The following TCERG1L variants were observed in gnomAD, a reference collection of about 807,000 sequenced individuals.
The protein encoded by TCERG1L is transcription elongation regulator 1 like, also known as transcription elongation regulator 1-like protein.
TCERG1L carries 37 observed loss-of-function variants against 56.3 expected under a neutral mutation model. The ratio of observed to expected loss-of-function variants is 0.66; its 90% confidence interval spans 0.51 to 0.87. The LOEUF is 0.87. TCERG1L is among the 40% of genes least tolerant of loss of function. The pLI is 0.00. For synonymous variants in TCERG1L, 324 were observed against 326.3 expected, an observed-to-expected ratio of 0.99 and a Z score of 0.08; for missense variants, 799 against 774.2, an observed-to-expected ratio of 1.03 and a Z score of -0.38.
intron 8 of TCERG1L, among the ~76,000 whole-genome samples, chr10:131,133,088 C>T (rs566159509): frequency 6.6e-6 from 1 of 152,294 alleles, no homozygotes; most frequent in East Asian, 1.9e-4. Flanking sequence ...AGGTCTAGTT[C>T]TACGTGTTTT....
chr10:131,143,103 C>T (rs1420659522), intron 7 of TCERG1L, among the ~76,000 whole-genome samples: 1 of 152,182 alleles, frequency 6.6e-6, no homozygotes, highest in Non-Finnish European at 1.5e-5. Context: ...CGACGTCTGC[C>T]CTCCAGAACT....
At chr10:131,243,637 A>G (rs1845997283) in intron 4 of TCERG1L, among the ~76,000 whole-genome samples, 1 of 152,110 alleles carries the variant, frequency 6.6e-6, no homozygotes, top group Non-Finnish European at 1.5e-5. Flanking sequence ...CCTAAAACCA[A>G]CCCTGCAACC....
At chr10:131,206,831 G>A (rs750633) in intron 4 of TCERG1L, among the ~76,000 whole-genome samples, 11,697 of 152,150 alleles carry the variant, frequency 0.077, 775 homozygotes, top group East Asian at 0.23. Flanking sequence ...GAGAGGGTGG[G>A]GTGCGTCCAG....
intron 6 of TCERG1L, chr10:131,162,846 C>T (rs945193475): frequency 3.9e-5 from 12 of 309,444 alleles, no homozygotes; most frequent in African/African-American, 2.4e-4. Flanking sequence ...CTTTCTTCAG[C>T]CACTGCCTTT....
rs541044997 is a variant in TCERG1L, at chr10:131,211,433, G to A, written c.857-44548C>T. Among the ~76,000 whole-genome samples, 342 of 152,268 alleles carry A rather than the reference G, an allele frequency of 2.2e-3. 2 individuals are homozygous for A. The highest frequency in any genetic ancestry group is 7.9e-3 in the African/African-American group (328 of 41,568). On this transcript the variant is annotated intron_variant, in intron 4 of 11. Transcript: ENST00000368642. ...GGCTTCCTACTACAACCCCTTTCCC[G>A]GTGTTCTGGGCCCATGCTGTGGCCG...
At chr10:131,120,799 G>T (rs770542178) in intron 8 of TCERG1L, among the ~76,000 whole-genome samples, 1 of 152,300 alleles carries the variant, frequency 6.6e-6, no homozygotes, top group East Asian at 1.9e-4. Context: ...TCAGTGAGAT[G>T]GTCCACATCG....
At chr10:131,241,459 G>A (rs1461096236) in intron 4 of TCERG1L, among the ~76,000 whole-genome samples, 3 of 151,898 alleles carry the variant, frequency 2.0e-5, no homozygotes, top group East Asian at 1.9e-4. Context: ...GACATGCAAC[G>A]CATCGTCCAT....
chr10:131,134,482 G>C, intron 7 of TCERG1L, 34 bp from the exon 8 acceptor site: 1 of 1,558,520 alleles, frequency 6.4e-7, no homozygotes, highest in Non-Finnish European at 8.7e-7. Context: ...GGTTAGAGTT[G>C]TCAGAGCTCA....
intron 4 of TCERG1L, among the ~76,000 whole-genome samples, chr10:131,256,998 AAAG>A (rs1384247623): frequency 2.1e-5 from 2 of 94,240 alleles, no homozygotes; most frequent in African/African-American, 3.9e-5. Context: ...GGAAGGAAAG[AAAG>A]AAAGAAAGAA....
In TCERG1L at chr10:131,159,433, A is replaced by C. The variant is rs1845955157; in HGVS notation, c.1034+3689T>G. Among the ~76,000 whole-genome samples, 3 of 152,118 alleles carry C rather than the reference A, an allele frequency of 2.0e-5. No homozygotes were observed. The South Asian group carries it at 6.2e-4, about 31-fold the overall frequency. ...TGAGACCCCCTGTGGTCTTCTTAGA[A>C]AGTTCACGGCGGCCACAGTCTCTGA... On this transcript the variant is annotated intron_variant, in intron 6 of 11. Coordinates refer to ENST00000368642, the MANE Select transcript of TCERG1L (RefSeq NM_174937.4).
intron 4 of TCERG1L, among the ~76,000 whole-genome samples, chr10:131,168,638 G>A (rs1416498883): frequency 6.6e-6 from 1 of 152,224 alleles, no homozygotes; most frequent in Non-Finnish European, 1.5e-5. Flanking sequence ...AGCGGGTGGA[G>A]GAATGCCCAG....
chr10:131,184,007 G>C (rs762909838), intron 4 of TCERG1L, among the ~76,000 whole-genome samples: 1 of 152,176 alleles, frequency 6.6e-6, no homozygotes, highest in Non-Finnish European at 1.5e-5. Context: ...CCAACCTTGG[G>C]GGTTGCCCTA....
intron 1 of TCERG1L, 49 bp from the exon 2 acceptor site, chr10:131,309,348 CTCGACT>C (rs746909065): frequency 2.0e-5 from 31 of 1,552,482 alleles, no homozygotes; most frequent in Admixed American, 1.4e-4. Context: ...AATCCATCCA[CTCGACT>C]TCATGCCAAA....
intron 4 of TCERG1L, among the ~76,000 whole-genome samples, chr10:131,170,496 C>G (rs1846078511): frequency 6.6e-6 from 1 of 151,808 alleles, no homozygotes; most frequent in South Asian, 2.1e-4. Context: ...TGATCAAACC[C>G]AGCTCTGAGA....
intron 4 of TCERG1L, among the ~76,000 whole-genome samples, chr10:131,251,714 A>ATGC (rs1195614040): frequency 2.0e-5 from 3 of 152,236 alleles, no homozygotes; most frequent in African/African-American, 7.2e-5. Flanking sequence ...TCCCTCAGAT[A>ATGC]AACTTCATTC....
At chr10:131,133,162 C>A (rs2133403356) in intron 8 of TCERG1L, among the ~76,000 whole-genome samples, 1 of 152,290 alleles carries the variant, frequency 6.6e-6, no homozygotes, top group African/African-American at 2.4e-5. Context: ...GGCTGCTGGG[C>A]CTGCTAGGTA....
intron 4 of TCERG1L, among the ~76,000 whole-genome samples, chr10:131,224,198 A>G (rs11816617): frequency 0.061 from 9,268 of 151,560 alleles, 781 homozygotes; most frequent in African/African-American, 0.19. Context: ...TCACCCCATT[A>G]TTCCCTGGGG....
intron 4 of TCERG1L, among the ~76,000 whole-genome samples, chr10:131,218,385 T>A (rs968286662): frequency 1.3e-5 from 2 of 152,234 alleles, no homozygotes; most frequent in Non-Finnish European, 2.9e-5. Context: ...GGGCCTGCAG[T>A]CCTTTCTGGC....
At chr10:131,144,880 G>A (rs564629656) in intron 7 of TCERG1L, among the ~76,000 whole-genome samples, 4 of 152,286 alleles carry the variant, frequency 2.6e-5, no homozygotes, top group African/African-American at 7.2e-5. Context: ...GGCCCCTGTC[G>A]TCCACCCACA....
Sources: allele counts gnomAD v4.1 joint callset (sites outside exome capture counted in the v4.1 genomes callset), GRCh38; gene constraint gnomAD v4.1.1; transcripts MANE v1.5; gene names NCBI Gene and HGNC (gene_info 2026-07-23, HGNC 2026-07-21).